Variants in RSPO4 observed in about 807,000 individuals in gnomAD.
RSPO4 encodes R-spondin-4.
In RSPO4, 23 loss-of-function variants were observed where a neutral mutation model predicts 24.8. The ratio of observed to expected loss-of-function variants is 0.93; its 90% CI spans 0.67 to 1.31. The LOEUF (loss-of-function observed/expected upper bound fraction) is 1.31. RSPO4 is among the 40% of genes most tolerant of loss of function. The probability of loss-of-function intolerance (pLI) is 0.00; values close to 1 mark genes in which losing one functional copy is unlikely to be tolerated. For synonymous variants in RSPO4, 141 were observed against 127.4 expected, an observed-to-expected ratio of 1.11 and a Z score of -0.72; for missense variants, 333 against 316.5, an observed-to-expected ratio of 1.05 and a Z score of -0.39.
chr20:976,601 A>G (rs1463385816), intron 1 of RSPO4, among the ~76,000 whole-genome samples: 1 of 152,008 alleles, frequency 6.6e-6, no homozygotes, highest in African/African-American at 2.4e-5. Context: ...TTTTGAGTGA[A>G]CTTAGGGTCA....
chr20:993,532 T>C (rs963012835), intron 1 of RSPO4, among the ~76,000 whole-genome samples: 2 of 151,920 alleles, frequency 1.3e-5, no homozygotes, highest in African/African-American at 4.8e-5. Flanking sequence ...GCAAGTTGAT[T>C]CCCCTCCCTG....
intron 1 of RSPO4, among the ~76,000 whole-genome samples, chr20:980,883 A>G (rs988335872): frequency 1.3e-5 from 2 of 152,216 alleles, no homozygotes; most frequent in Non-Finnish European, 2.9e-5. Flanking sequence ...GAGATCTTCA[A>G]AAACTGTCCT....
chr20:958,671 C>T lies in RSPO4; in HGVS notation c.*1686G>A, dbSNP rs1983873482. 6.6e-6 allele frequency: 1 copy of T among 151,748 alleles called. No individual in the cohort carries two copies. Among genetic ancestry groups the T allele is most frequent in the African/African-American group, 2.4e-5 (1 of 41,202 alleles). 9.4% of individuals were successfully genotyped at this position (151,748 alleles called of 1,614,324 possible). ...GGAGGGGGGGGTTCAGGCCAGGGCT[C>T]CCCAGCTGCCAGGTGGAGGGCAGGT... On this transcript the variant is annotated 3_prime_UTR_variant, in exon 5 of 5. Coordinates refer to ENST00000217260, the MANE Select transcript of RSPO4 (RefSeq NM_001029871.4).
intron 1 of RSPO4, among the ~76,000 whole-genome samples, chr20:969,998 CCTT>C (rs1984358682): frequency 6.6e-6 from 1 of 152,208 alleles, no homozygotes. Context: ...GCCCCATCTC[CCTT>C]TTAGAGGAAT....
At chr20:996,429 T>G (rs916139115) in intron 1 of RSPO4, among the ~76,000 whole-genome samples, 1 of 152,178 alleles carries the variant, frequency 6.6e-6, no homozygotes, top group Non-Finnish European at 1.5e-5. Context: ...CAACCTCCCC[T>G]CTTTGTCTTG....
intron 1 of RSPO4, among the ~76,000 whole-genome samples, chr20:997,265 G>A (rs1043818487): frequency 5.3e-5 from 8 of 152,160 alleles, no homozygotes; most frequent in Non-Finnish European, 1.2e-4. Context: ...GGGTTGGATG[G>A]TTTCCGTCCA....
chr20:999,787 A>C (rs772209734), intron 1 of RSPO4, among the ~76,000 whole-genome samples: 6 of 152,140 alleles, frequency 3.9e-5, no homozygotes, highest in Admixed American at 6.5e-5. Flanking sequence ...GGGGCAGGAT[A>C]GGAATTTTTC....
chr20:973,172 G>A (rs992200535), intron 1 of RSPO4, among the ~76,000 whole-genome samples: 6 of 152,302 alleles, frequency 3.9e-5, no homozygotes, highest in Middle Eastern at 3.4e-3. Flanking sequence ...CCATGGGGGT[G>A]AGCCACGCAT....
rs509384 is a variant in RSPO4, at chr20:959,315, A to G, written c.*1042T>C. ...AAGTGACCCCCAAATTCTCCTCTCC[A>G]CCGTGAATGTGCTGAGCAGAGCCAT... On this transcript the variant is annotated 3_prime_UTR_variant, in exon 5 of 5. Coordinates refer to ENST00000217260, the MANE Select transcript of RSPO4 (RefSeq NM_001029871.4). The G allele has an allele frequency of 0.15, 23,001 of 151,764 alleles. 1,845 individuals are homozygous for G. The highest frequency in any genetic ancestry group is 0.21 in the East Asian group (1,096 of 5,118). 9.4% of individuals were successfully genotyped at this position (151,764 alleles called of 1,614,324 possible). A position where few individuals can be genotyped will look rare whatever the true frequency, so the allele number is the denominator to read the frequency against.
chr20:983,014 T>G (rs561778575), intron 1 of RSPO4, among the ~76,000 whole-genome samples: 2 of 152,218 alleles, frequency 1.3e-5, no homozygotes, highest in African/African-American at 2.4e-5. Flanking sequence ...CTGGGGAGGA[T>G]GTGAGCTCCA....
intron 1 of RSPO4, among the ~76,000 whole-genome samples, chr20:983,255 T>TC (rs1372385333): frequency 1.3e-3 from 200 of 152,362 alleles, no homozygotes; most frequent in African/African-American, 4.8e-3. Context: ...GCAGAGCACC[T>TC]GGAGCTTCCA....
intron 1 of RSPO4, among the ~76,000 whole-genome samples, chr20:1,001,741 G>C (rs1270970957): frequency 6.6e-6 from 1 of 152,154 alleles, no homozygotes; most frequent in East Asian, 1.9e-4. Flanking sequence ...ACGCCACTGA[G>C]TCTGTCTCCT....
At chr20:962,026 A>C (rs971221013) in intron 4 of RSPO4, among the ~76,000 whole-genome samples, 2 of 152,122 alleles carry the variant, frequency 1.3e-5, no homozygotes, top group Non-Finnish European at 2.9e-5. Context: ...CCACCTGTGC[A>C]TTCAGCCATC....
chr20:988,925 C>G (rs1453322914), intron 1 of RSPO4, among the ~76,000 whole-genome samples: 1 of 152,138 alleles, frequency 6.6e-6, no homozygotes, highest in Middle Eastern at 3.2e-3. Context: ...CCATAAATGC[C>G]CCAAATCGCT....
intron 1 of RSPO4, among the ~76,000 whole-genome samples, chr20:985,763 G>A (rs896514523): frequency 4.6e-5 from 7 of 152,214 alleles, no homozygotes; most frequent in African/African-American, 1.7e-4. Context: ...ATCTAAGGAG[G>A]ATTGGCCAGC....
intron 4 of RSPO4, 99 bp downstream of exon 4, chr20:963,836 G>T: frequency 8.1e-7 from 1 of 1,241,022 alleles, no homozygotes; most frequent in Non-Finnish European, 1.2e-6. Context: ...GGCCTTTCAG[G>T]CAGTCTCATA....
chr20:966,956 G>A (rs1984222451), intron 3 of RSPO4, among the ~76,000 whole-genome samples: 1 of 152,236 alleles, frequency 6.6e-6, no homozygotes, highest in Non-Finnish European at 1.5e-5. Context: ...GCCAGTGTTG[G>A]TTGTAGTAGT....
chr20:995,456 G>A (rs1985245241), intron 1 of RSPO4, among the ~76,000 whole-genome samples: 1 of 152,208 alleles, frequency 6.6e-6, no homozygotes, highest in African/African-American at 2.4e-5. Context: ...CCAAAGGAAA[G>A]GAGCGTGCAA....
intron 1 of RSPO4, among the ~76,000 whole-genome samples, chr20:985,691 C>T (rs1288105577): frequency 6.6e-6 from 1 of 152,234 alleles, no homozygotes; most frequent in East Asian, 1.9e-4. Context: ...CTATCTTTGT[C>T]ACCCCCATCC....
Sources: allele counts gnomAD v4.1 joint callset (sites outside exome capture counted in the v4.1 genomes callset), GRCh38; gene constraint gnomAD v4.1.1; transcripts MANE v1.5; gene names NCBI Gene and HGNC (gene_info 2026-07-23, HGNC 2026-07-21).